FRS2: variants seen among roughly 807,000 people sequenced by gnomAD.
The protein encoded by FRS2 is fibroblast growth factor receptor substrate 2, also known as FGFR signalling adaptor.
In FRS2, 8 loss-of-function variants were observed where a neutral mutation model predicts 43.9. The observed-to-expected ratio is 0.18, with a 90% CI of 0.11 to 0.33. The LOEUF (loss-of-function observed/expected upper bound fraction) is 0.33. Ranked by LOEUF, FRS2 falls within the 10% of genes least tolerant of loss-of-function variation. The pLI is 1.00. For missense variants in FRS2, 534 were observed against 627.6 expected, an observed-to-expected ratio of 0.85 and a Z score of 1.59; for synonymous variants, 219 against 220.3, an observed-to-expected ratio of 0.99 and a Z score of 0.05.
chr12:69,528,071 A>G (rs1876433851), intron 1 of FRS2, among the ~76,000 whole-genome samples: 1 of 152,154 alleles, frequency 6.6e-6, no homozygotes, highest in African/African-American at 2.4e-5. Context: ...CCAGAACTGT[A>G]TCTTTGTTTT....
intron 8 of FRS2, 148 bp from the exon 9 acceptor site, chr12:69,573,857 A>G: frequency 1.8e-6 from 1 of 547,356 alleles, no homozygotes; most frequent in Non-Finnish European, 3.2e-6. Context: ...ATAAAAAAAC[A>G]GGTGCAAAAG....
At chr12:69,516,676 C>T (rs889644219) in intron 1 of FRS2, among the ~76,000 whole-genome samples, 7 of 152,144 alleles carry the variant, frequency 4.6e-5, no homozygotes, top group African/African-American at 1.4e-4. Context: ...ATTGAGTATA[C>T]TATACCTTTT....
At chr12:69,495,016 C>T (rs1872755845) in intron 1 of FRS2, among the ~76,000 whole-genome samples, 1 of 152,080 alleles carries the variant, frequency 6.6e-6, no homozygotes, top group South Asian at 2.1e-4. Context: ...TCAGATCCAC[C>T]CACCTTGGCC....
chr12:69,489,192 T>C (rs1024920103), intron 1 of FRS2, among the ~76,000 whole-genome samples: 4 of 152,208 alleles, frequency 2.6e-5, no homozygotes, highest in African/African-American at 9.7e-5. Context: ...GTGCAGGTGT[T>C]TGATGCCTTT....
At chr12:69,477,272 C>CTTT (rs11300091) in intron 1 of FRS2, among the ~76,000 whole-genome samples, 2 of 103,156 alleles carry the variant, frequency 1.9e-5, no homozygotes, top group Non-Finnish European at 3.6e-5. Flanking sequence ...TTTTAAAATA[C>CTTT]TTTTTTTTTT....
At chr12:69,491,357 A>G (rs1248057497) in intron 1 of FRS2, among the ~76,000 whole-genome samples, 1 of 152,076 alleles carries the variant, frequency 6.6e-6, no homozygotes, top group East Asian at 1.9e-4. Flanking sequence ...CGGCCTTTCA[A>G]AGTGCTGCGA....
chr12:69,492,699 C>T (rs910334873), intron 1 of FRS2, among the ~76,000 whole-genome samples: 3 of 152,120 alleles, frequency 2.0e-5, no homozygotes, highest in South Asian at 2.1e-4. Flanking sequence ...CTATTCTTCC[C>T]TGACGTGAAA....
At chr12:69,553,763 G>A (rs948811222) in intron 3 of FRS2, among the ~76,000 whole-genome samples, 1 of 152,190 alleles carries the variant, frequency 6.6e-6, no homozygotes, top group South Asian at 2.1e-4. Context: ...TGGTAGGGAG[G>A]TGTTAGGAAA....
Position 69,499,923 on chromosome 12 carries a change from A to C in FRS2, c.-261+29393A>C, listed in dbSNP as rs191653230. Among the ~76,000 whole-genome samples, 10 of 152,224 alleles carry C rather than the reference A, an allele frequency of 6.6e-5. No individual in the cohort carries two copies. In the East Asian group the frequency reaches 1.4e-3, roughly 21 times the overall value. Reference sequence around the variant, plus strand: ...AATAAGCCAGAAAATGTGGAGAAAAAATTGAGTTTAAAATGGCCACAATTC... The same window carrying C: ...AATAAGCCAGAAAATGTGGAGAAAACATTGAGTTTAAAATGGCCACAATTC... On this transcript the variant is annotated intron_variant, in intron 1 of 8. Transcript: ENST00000549921.
In FRS2 at chr12:69,484,170, C is replaced by T. The variant is rs909462144; in HGVS notation, c.-261+13640C>T. 7.9e-5 allele frequency among the ~76,000 whole-genome samples: 12 copies of T among 152,064 alleles called. No individual in the cohort carries two copies. In the South Asian group the frequency reaches 1.0e-3, roughly 13 times the overall value. ...TGCAATCTCGGCTCACTGCAACCTC[C>T]GCCTCCCGGGTTCACGCCATTCTCC... On this transcript the variant is annotated intron_variant, in intron 1 of 8. Coordinates refer to ENST00000549921, the MANE Select transcript of FRS2 (RefSeq NM_001278356.2).
Position 69,537,672 on chromosome 12 carries a change from A to G in FRS2, c.-122+5616A>G, listed in dbSNP as rs542941253. Among the ~76,000 whole-genome samples, 9 of 149,624 alleles carry G rather than the reference A, an allele frequency of 6.0e-5. No individual in the cohort carries two copies. In the South Asian group the frequency reaches 1.7e-3, roughly 28 times the overall value. ...AGGGCGTTATTTTTTTCATTCCATCATTTTATTTTTTGTAATCCCACTTGG... is the reference window on the plus strand; with the variant it reads ...AGGGCGTTATTTTTTTCATTCCATCGTTTTATTTTTTGTAATCCCACTTGG... On this transcript the variant is annotated intron_variant, in intron 3 of 8. Coordinates refer to ENST00000549921, the MANE Select transcript of FRS2 (RefSeq NM_001278356.2).
chr12:69,504,355 A>G (rs1456358165), intron 1 of FRS2, among the ~76,000 whole-genome samples: 1 of 152,046 alleles, frequency 6.6e-6, no homozygotes, highest in Non-Finnish European at 1.5e-5. Context: ...ACAGAATGAG[A>G]CTCCATCTAA....
intron 1 of FRS2, among the ~76,000 whole-genome samples, chr12:69,511,231 G>T (rs981908622): frequency 6.6e-6 from 1 of 152,160 alleles, no homozygotes; most frequent in Non-Finnish European, 1.5e-5. Context: ...TGTGCTAAGG[G>T]AAGGGAAACC....
At chr12:69,522,076 C>G (rs553148406) in intron 1 of FRS2, among the ~76,000 whole-genome samples, 2 of 152,186 alleles carry the variant, frequency 1.3e-5, no homozygotes, top group East Asian at 3.9e-4. Context: ...AGGGATAAAG[C>G]CTGCTTGACT....
chr12:69,572,727 C>T (rs1880867682), intron 8 of FRS2, among the ~76,000 whole-genome samples: 1 of 152,222 alleles, frequency 6.6e-6, no homozygotes, highest in Non-Finnish European at 1.5e-5. Context: ...GTTGGAACCT[C>T]TGTATTAATT....
intron 1 of FRS2, among the ~76,000 whole-genome samples, chr12:69,475,828 G>A (rs1376165942): frequency 6.6e-6 from 1 of 152,092 alleles, no homozygotes; most frequent in Non-Finnish European, 1.5e-5. Flanking sequence ...TCATGACAGA[G>A]TTTTCCTTTG....
intron 1 of FRS2, among the ~76,000 whole-genome samples, chr12:69,496,887 A>G (rs540553250): frequency 6.6e-6 from 1 of 152,356 alleles, no homozygotes; most frequent in East Asian, 1.9e-4. Flanking sequence ...TCTATGTGCT[A>G]GATGCTATTC....
intron 4 of FRS2, among the ~76,000 whole-genome samples, chr12:69,563,910 C>G (rs521001): frequency 0.81 from 123,462 of 152,092 alleles, 50,997 homozygotes; most frequent in African/African-American, 0.95. Context: ...CTCATCTCTA[C>G]TATCCCCCTC....
chr12:69,562,398 A>G (rs1231835632), intron 4 of FRS2, 124 bp downstream of exon 4: 1 of 387,054 alleles, frequency 2.6e-6, no homozygotes, highest in Non-Finnish European at 4.6e-6. Flanking sequence ...TCTTGAGCTC[A>G]AGCGATTCTC....
Sources: gnomAD v4.1 joint callset for allele counts (sites outside exome capture counted in the v4.1 genomes callset) on GRCh38, gnomAD v4.1.1 for gene constraint, MANE v1.5 for transcripts, NCBI Gene and HGNC (gene_info 2026-07-23, HGNC 2026-07-21) for gene names.